DGKB: variants seen among roughly 807,000 people sequenced by gnomAD.
The protein encoded by DGKB is 90 kDa diacylglycerol kinase.
A neutral mutation model predicts 114.3 loss-of-function variants in DGKB; 67 were observed. The observed-to-expected ratio is 0.59, with a 90% CI of 0.48 to 0.72. The LOEUF (loss-of-function observed/expected upper bound fraction) is 0.72. Among genes scored for constraint, DGKB ranks in the 30% least tolerant of loss-of-function variants. DGKB has a pLI of 0.00. For synonymous variants in DGKB, 398 were observed against 323.1 expected (o/e 1.23, Z -2.49); for missense variants, 907 against 975.2 (o/e 0.93, Z 0.93).
intron 17 of DGKB, among the ~76,000 whole-genome samples, chr7:14,596,691 G>C (rs1802636678): frequency 1.3e-5 from 2 of 152,136 alleles, no homozygotes; most frequent in Admixed American, 1.3e-4. Flanking sequence ...AAAGGAGTTG[G>C]AATGGAGACA....
intron 20 of DGKB, among the ~76,000 whole-genome samples, chr7:14,526,003 C>G (rs2128579074): frequency 6.6e-6 from 1 of 152,126 alleles, no homozygotes. Flanking sequence ...GCTAAACAAA[C>G]TAATTTCTAT....
At chr7:14,713,631 G>T (rs1287766907) in intron 6 of DGKB, among the ~76,000 whole-genome samples, 1 of 122,702 alleles carries the variant, frequency 8.1e-6, no homozygotes, top group Non-Finnish European at 1.8e-5. Flanking sequence ...ACCCTCTCTT[G>T]GTCTTTTTTT....
At chr7:14,887,642 A>T (rs1414598945) in intron 1 of DGKB, among the ~76,000 whole-genome samples, 1 of 151,772 alleles carries the variant, frequency 6.6e-6, no homozygotes, top group Non-Finnish European at 1.5e-5. Context: ...GGAATGGAAC[A>T]CATTTTAAAA....
intron 23 of DGKB, among the ~76,000 whole-genome samples, chr7:14,332,882 GGGTACCT>G (rs2128560399): frequency 6.6e-6 from 1 of 152,200 alleles, no homozygotes; most frequent in South Asian, 2.1e-4. Flanking sequence ...TTTGCATGAT[GGGTACCT>G]GGACAGTTGT....
chr7:14,618,171 GATTAT>G (rs756625019), intron 15 of DGKB, among the ~76,000 whole-genome samples: 1 of 150,968 alleles, frequency 6.6e-6, no homozygotes, highest in African/African-American at 2.4e-5. Context: ...AAAGTGAATT[GATTAT>G]ATAGAGATAA....
chr7:14,812,658 C>T (rs2128083812), intron 2 of DGKB, among the ~76,000 whole-genome samples: 1 of 152,274 alleles, frequency 6.6e-6, no homozygotes, highest in South Asian at 2.1e-4. Context: ...CCCAGTGTCA[C>T]ATTTTCTGTC....
At chr7:14,228,321 C>G (rs1048405078) in intron 23 of DGKB, among the ~76,000 whole-genome samples, 19 of 152,050 alleles carry the variant, frequency 1.2e-4, no homozygotes, top group Admixed American at 9.8e-4. Flanking sequence ...TGGACATGCT[C>G]TGGCACATAG....
At chr7:14,847,028 T>C (rs62451473) in intron 1 of DGKB, among the ~76,000 whole-genome samples, 9 of 152,094 alleles carry the variant, frequency 5.9e-5, no homozygotes, top group Non-Finnish European at 1.3e-4. Flanking sequence ...CGGTGGCTCA[T>C]GCCTGTAATC....
intron 23 of DGKB, among the ~76,000 whole-genome samples, chr7:14,219,979 T>C (rs1171714399): frequency 1.3e-5 from 2 of 151,724 alleles, no homozygotes; most frequent in East Asian, 3.9e-4. Flanking sequence ...AGTGGACTAC[T>C]TTCTGAGAAA....
chr7:14,735,056 C>G (rs1272273332), intron 5 of DGKB, among the ~76,000 whole-genome samples: 1 of 152,172 alleles, frequency 6.6e-6, no homozygotes, highest in African/African-American at 2.4e-5. Flanking sequence ...CATGTTGTCT[C>G]TACCTGCAGA....
At chr7:14,458,644 C>T (rs1339407729) in intron 21 of DGKB, among the ~76,000 whole-genome samples, 1 of 152,148 alleles carries the variant, frequency 6.6e-6, no homozygotes, top group African/African-American at 2.4e-5. Context: ...GGGACTGTGC[C>T]ATGAGGGATG....
At chr7:14,248,890 T>C (rs767524311) in intron 23 of DGKB, among the ~76,000 whole-genome samples, 22 of 152,120 alleles carry the variant, frequency 1.4e-4, no homozygotes, top group Non-Finnish European at 8.8e-5. Context: ...TGAAAACAAG[T>C]GTTGAGAGAG....
chr7:14,433,646 T>TC (rs1828814147), intron 21 of DGKB, among the ~76,000 whole-genome samples: 1 of 151,996 alleles, frequency 6.6e-6, no homozygotes, highest in African/African-American at 2.4e-5. Flanking sequence ...CATTTTTTGT[T>TC]CCCCCCTTTT....
chr7:14,154,205 ATG>A (rs1782639712), intron 25 of DGKB, among the ~76,000 whole-genome samples: 1 of 146,504 alleles, frequency 6.8e-6, no homozygotes, highest in Non-Finnish European at 1.5e-5. Flanking sequence ...TTTAAGAAAA[ATG>A]AGATCTATTG....
intron 23 of DGKB, among the ~76,000 whole-genome samples, chr7:14,327,670 A>G (rs1017009890): frequency 2.0e-5 from 3 of 152,136 alleles, no homozygotes; most frequent in African/African-American, 7.2e-5. Flanking sequence ...TAGACTGAGT[A>G]AAAGATGCAT....
At chr7:14,970,802 C>G (rs1341501069) in intron 1 of DGKB, among the ~76,000 whole-genome samples, 2 of 152,096 alleles carry the variant, frequency 1.3e-5, no homozygotes, top group Admixed American at 6.5e-5. Context: ...CTTTGAATCT[C>G]TCTTTCAAAT....
At chr7:14,186,138 C>G (rs1415735774) in intron 23 of DGKB, among the ~76,000 whole-genome samples, 1 of 152,156 alleles carries the variant, frequency 6.6e-6, no homozygotes, top group Non-Finnish European at 1.5e-5. Flanking sequence ...GGACTAATAA[C>G]CAGAATCTAC....
At chr7:14,943,345 C>G (rs1785680501) in intron 1 of DGKB, among the ~76,000 whole-genome samples, 1 of 151,718 alleles carries the variant, frequency 6.6e-6, no homozygotes, top group African/African-American at 2.4e-5. Flanking sequence ...AAAAAAACCT[C>G]TATAATTAAA....
rs1840641025 is a variant in DGKB at position 14,791,378 on chromosome 7, ATTTC to A, written c.71-33651_71-33648del. On this transcript the variant is annotated intron_variant, in intron 2 of 25. Coordinates refer to ENST00000402815, the MANE Select transcript of DGKB (RefSeq NM_001350709.2). ...GTCATCTGTAAACAGTGGTAGTTTTATTTCTTTATTTCTGATATAATTTTTTTAT... is the reference window on the plus strand; with the variant it reads ...GTCATCTGTAAACAGTGGTAGTTTTATTTATTTCTGATATAATTTTTTTAT... 2.6e-5 allele frequency among the ~76,000 whole-genome samples: 4 copies of A among 151,970 alleles called. No individual in the cohort carries two copies. The South Asian group carries it at 8.3e-4, about 32-fold the overall frequency.
Sources: allele counts gnomAD v4.1 joint callset (sites outside exome capture counted in the v4.1 genomes callset), GRCh38; gene constraint gnomAD v4.1.1; transcripts MANE v1.5; gene names NCBI Gene and HGNC (gene_info 2026-07-23, HGNC 2026-07-21).